The following CDHR2 variants were observed in gnomAD, a reference collection of about 807,000 sequenced individuals.
CDHR2 encodes cadherin related family member 2.
Under a neutral mutation model 138.6 loss-of-function variants are expected in CDHR2, and 104 were observed. The ratio of observed to expected loss-of-function variants is 0.75; its 90% CI spans 0.64 to 0.88. CDHR2 has a LOEUF of 0.88. CDHR2 is among the 40% of genes least tolerant of loss of function. The probability of loss-of-function intolerance (pLI) is 0.00; values close to 1 mark genes in which losing one functional copy is unlikely to be tolerated. For missense variants in CDHR2, 1,624 were observed against 1,727.6 expected, an observed-to-expected ratio of 0.94 and a Z score of 1.06; for synonymous variants, 755 against 742.8, an observed-to-expected ratio of 1.02 and a Z score of -0.27.
rs556552317 is a variant in CDHR2 at position 176,571,806 on chromosome 5, G to T, written c.405+504G>T. Among the ~76,000 whole-genome samples the T allele has an allele frequency of 2.2e-4, 33 of 152,218 alleles. No homozygotes were observed. In the South Asian group the frequency reaches 6.8e-3, roughly 32 times the overall value. ...ACGCCTCGGCCTCCCAAAGTGCTGG[G>T]ATTACAGGCGTGAGCCACTGCGCCC... On this transcript the variant is annotated intron_variant, in intron 6 of 31. Transcript: ENST00000261944.
upstream of CDHR2, among the ~76,000 whole-genome samples, chr5:176,544,508 C>T (rs987768318): frequency 4.0e-5 from 6 of 149,470 alleles, no homozygotes; most frequent in Non-Finnish European, 8.8e-5. Context: ...GGCGCGATCT[C>T]GGTTCACTGC....
chr5:176,555,023 C>T (rs1294854553), intron 1 of CDHR2, among the ~76,000 whole-genome samples: 3 of 152,190 alleles, frequency 2.0e-5, no homozygotes, highest in Non-Finnish European at 4.4e-5. Context: ...GCTTCCTCCA[C>T]GAGTCTCTTG....
chr5:176,556,465 G>A (rs1301470504), intron 1 of CDHR2, among the ~76,000 whole-genome samples: 3 of 152,166 alleles, frequency 2.0e-5, no homozygotes, highest in Non-Finnish European at 2.9e-5. Flanking sequence ...AGGAGATCGA[G>A]ACCATCCCGG....
intron 1 of CDHR2, among the ~76,000 whole-genome samples, chr5:176,559,974 G>A (rs1193191035): frequency 1.3e-5 from 2 of 152,198 alleles, no homozygotes; most frequent in Admixed American, 6.5e-5. Context: ...GGATTGGTTG[G>A]TTTGCATAGG....
At position 176,589,027 on chromosome 5, in the gene CDHR2, C is replaced by T. The variant is rs755108330; in HGVS notation, c.2857-4C>T. The T allele has an allele frequency of 1.2e-6, 2 of 1,613,918 alleles. No individual in the cohort carries two copies. Among genetic ancestry groups the T allele is most frequent in the Non-Finnish European group, 1.7e-6 (2 of 1,179,888 alleles). On this transcript the variant is annotated splice_polypyrimidine_tract_variant and splice_region_variant and intron_variant, in intron 21 of 31. Transcript: ENST00000261944. ...CCCCAGATATTGTCCACTCTTGCTC[C>T]CAGGCCAGAGACGATGATTCAGGGA...
chr5:176,565,830 T>A, intron 3 of CDHR2, 87 bp downstream of exon 3: 1 of 914,778 alleles, frequency 1.1e-6, no homozygotes, highest in Middle Eastern at 2.3e-4. Flanking sequence ...CCACCATGCC[T>A]GCAACTCCAT....
chr5:176,569,346 C>A (rs10056398), intron 5 of CDHR2, among the ~76,000 whole-genome samples: 1 of 149,246 alleles, frequency 6.7e-6, no homozygotes. Flanking sequence ...TGCAGTGGCG[C>A]GATCTCGGCT....
At chr5:176,559,788 A>C (rs1375272516) in intron 1 of CDHR2, among the ~76,000 whole-genome samples, 1 of 151,910 alleles carries the variant, frequency 6.6e-6, no homozygotes, top group African/African-American at 2.4e-5. Context: ...CCATCAGGAG[A>C]CATCTGGCCC....
At chr5:176,560,374 C>T (rs368224483) in intron 1 of CDHR2, among the ~76,000 whole-genome samples, 76 of 150,396 alleles carry the variant, frequency 5.1e-4, no homozygotes, top group African/African-American at 1.8e-3. Flanking sequence ...CCAGCCTGGG[C>T]GACAGGAGTA....
In CDHR2 at chr5:176,543,213, C is replaced by G. The variant is rs931098885; in HGVS notation, c.-16+444C>G. 6.8e-6 allele frequency among the ~76,000 whole-genome samples: 1 copy of G among 147,810 alleles called. No homozygotes were observed. The highest frequency in any genetic ancestry group is 6.7e-5 in the Admixed American group (1 of 14,894). ...CCGCCCCCTACCGCCGCGTGCTCGC[C>G]GGCCCTGCGCCCGGGGCGCTCGGCG... On this transcript the variant is annotated intron_variant, in intron 1 of 31. Coordinates refer to the CDHR2 transcript ENST00000510636. This position sits in a 1 kb window ranked among gnomAD's most constrained non-coding sequence, Gnocchi z 4.0.
At chr5:176,552,747 G>GGAGGCAGGC (rs898833277) in intron 1 of CDHR2, among the ~76,000 whole-genome samples, 1 of 152,234 alleles carries the variant, frequency 6.6e-6, no homozygotes, top group Non-Finnish European at 1.5e-5. Flanking sequence ...CAGCAGAGCA[G>GGAGGCAGGC]GAGGCAGGCG....
In CDHR2 at chr5:176,569,027, A is replaced by T. The variant is rs1443509924; in HGVS notation, c.315+17A>T. 3.7e-6 allele frequency: 6 copies of T among 1,613,768 alleles called. No homozygotes were observed. Among genetic ancestry groups the T allele is most frequent in the Non-Finnish European group, 5.1e-6 (6 of 1,179,736 alleles). ...TACATCCAGGTGAGTTGGGAGGTGC[A>T]GGGGGGTAGACAGGGATTGCGAGAG... On this transcript the variant is annotated intron_variant, in intron 5 of 31. Coordinates refer to ENST00000261944, the MANE Select transcript of CDHR2 (RefSeq NM_017675.6).
intron 1 of CDHR2, among the ~76,000 whole-genome samples, chr5:176,554,290 G>A (rs1004937015): frequency 5.3e-5 from 8 of 152,180 alleles, no homozygotes; most frequent in East Asian, 1.9e-4. Context: ...CCTGGGGAGC[G>A]TGGATGGTCA....
chr5:176,595,644 A>G lies in CDHR2; in HGVS notation c.3905A>G (p.Asn1302Ser). ...SGQLEGPSYT[N>S]AGLDTTDL Reference sequence around the variant, plus strand: ...CAGCTGGAGGGGCCATCCTACACCAACGCTGGCCTGGACACCACGGACCTG... The same window carrying G: ...CAGCTGGAGGGGCCATCCTACACCAGCGCTGGCCTGGACACCACGGACCTG... Residue 1302 changes from asparagine (N) to serine (S), a missense_variant, in exon 32 of 32, where the codon AAC (asparagine) becomes AGC (serine). Around this residue, in one of 3 missense-constraint regions of CDHR2, gnomAD observed 556 missense variants for 565.7 expected, o/e 0.98. Coordinates refer to ENST00000261944, the MANE Select transcript of CDHR2 (RefSeq NM_017675.6). 1.2e-6 allele frequency: 2 copies of G among 1,607,768 alleles called. No individual in the cohort carries two copies.
At position 176,575,553 on chromosome 5, in the gene CDHR2, C is replaced by T. The variant is rs1758354877; in HGVS notation, c.816C>T (p.Ile272=). ...TVEAVDGDKG[I]NDPVIYSISY... ...AGGCTGTGGATGGCGACAAAGGCATCAATGACCCTGTGATCTACAGCATCT... is the reference window on the plus strand; with the variant it reads ...AGGCTGTGGATGGCGACAAAGGCATTAATGACCCTGTGATCTACAGCATCT... Residue 272 remains isoleucine, a synonymous_variant, in exon 10 of 32, where the codon ATC becomes ATT. Coordinates refer to ENST00000261944, the MANE Select transcript of CDHR2 (RefSeq NM_017675.6). The T allele has an allele frequency of 6.2e-7, 1 of 1,614,154 alleles. No homozygotes were observed. Among genetic ancestry groups the T allele is most frequent in the African/African-American group, 1.3e-5 (1 of 75,058 alleles).
intron 28 of CDHR2, 115 bp downstream of exon 28, chr5:176,590,802 TC>T: frequency 7.2e-7 from 1 of 1,387,732 alleles, no homozygotes; most frequent in Non-Finnish European, 1.0e-6. Context: ...ATGCATTCAC[TC>T]CCCAGTGACC....
chr5:176,544,424 T>C (rs1757538589), upstream of CDHR2, among the ~76,000 whole-genome samples: 1 of 42,432 alleles, frequency 2.4e-5, no homozygotes, highest in South Asian at 1.2e-3. Context: ...TTCTTTTCCT[T>C]TATTTTCTTT....
intron 30 of CDHR2, among the ~76,000 whole-genome samples, chr5:176,592,465 G>T (rs1259143497): frequency 2.0e-5 from 3 of 146,666 alleles, no homozygotes; most frequent in African/African-American, 7.6e-5. Context: ...GGTGGTGGTG[G>T]TGTTGGTGTT....
chr5:176,592,690 G>A (rs1333255653), intron 30 of CDHR2, 33 bp from the exon 31 acceptor site: 1 of 1,607,856 alleles, frequency 6.2e-7, no homozygotes, highest in Middle Eastern at 1.7e-4. Flanking sequence ...GACTGGGCCT[G>A]CCAACACCTG....
Sources: gnomAD v4.1 joint callset for allele counts (sites outside exome capture counted in the v4.1 genomes callset) on GRCh38, gnomAD v4.1.1 for gene constraint, gnomAD v4.1.1 regional missense constraint, Gnocchi (gnomAD v3.1) non-coding constraint, MANE v1.5 for transcripts, NCBI Gene and HGNC (gene_info 2026-07-23, HGNC 2026-07-21) for gene names.